Variants in IKZF1 observed in about 807,000 individuals in gnomAD.
IKZF1 encodes the protein DNA-binding protein Ikaros.
A neutral mutation model predicts 51.7 loss-of-function variants in IKZF1; 10 were observed. The observed-to-expected ratio is 0.19, with a 90% CI of 0.12 to 0.33. The LOEUF is 0.33. IKZF1 is among the 10% of genes least tolerant of loss of function. The probability of loss-of-function intolerance (pLI) is 1.00; values close to 1 mark genes in which losing one functional copy is unlikely to be tolerated. For synonymous variants in IKZF1, 280 were observed against 282.3 expected (o/e 0.99, Z 0.08); for missense variants, 484 against 707.5 (o/e 0.68, Z 3.58).
At chr7:50,327,437 C>T (rs1275995886) in intron 2 of IKZF1, 5 of 467,658 alleles carry the variant, frequency 1.1e-5, no homozygotes, top group Non-Finnish European at 1.8e-5. Flanking sequence ...CCCTTTTGCA[C>T]ATCTATGTTC....
chr7:50,320,649 A>G (rs2153367301), intron 2 of IKZF1, among the ~76,000 whole-genome samples: 1 of 152,314 alleles, frequency 6.6e-6, no homozygotes, highest in East Asian at 1.9e-4. Context: ...TGACAGCAGC[A>G]TTTGTTAGTT....
At chr7:50,324,878 G>C (rs549904098) in intron 2 of IKZF1, among the ~76,000 whole-genome samples, 1 of 152,210 alleles carries the variant, frequency 6.6e-6, no homozygotes, top group African/African-American at 2.4e-5. Flanking sequence ...CTTGGTTCCA[G>C]GGCCCCATGC....
chr7:50,318,134 C>T lies in IKZF1; in HGVS notation c.-14-914C>T, dbSNP rs1196789920. On this transcript the variant is annotated intron_variant, in intron 1 of 7. Transcript: ENST00000331340. ...ATCCACTTTGGGGCACCTGAGACTGCCGAGCGGCAGGCCAGGACCCAAGTG... is the reference window on the plus strand; with the variant it reads ...ATCCACTTTGGGGCACCTGAGACTGTCGAGCGGCAGGCCAGGACCCAAGTG... Among the ~76,000 whole-genome samples the T allele has an allele frequency of 2.1e-5, 3 of 142,692 alleles. No homozygotes were observed. In the East Asian group the frequency reaches 6.3e-4, roughly 30 times the overall value. The allele number at this position is 142,692 out of a possible 152,430, so 93.6% of individuals were successfully genotyped here.
At chr7:50,360,225 C>A (rs756989957) in intron 3 of IKZF1, among the ~76,000 whole-genome samples, 4 of 151,978 alleles carry the variant, frequency 2.6e-5, no homozygotes, top group African/African-American at 4.8e-5. Context: ...CTCCCTGAAG[C>A]AGGGCCTGGG....
At chr7:50,395,690 T>C (rs2153510500) in intron 7 of IKZF1, among the ~76,000 whole-genome samples, 1 of 152,336 alleles carries the variant, frequency 6.6e-6, no homozygotes, top group Non-Finnish European at 1.5e-5. Context: ...TTTCTTCTTA[T>C]TTATGTTTAT....
rs1810215518 is a variant in IKZF1, at chr7:50,376,148, G to A, written c.161-385G>A. On this transcript the variant is annotated intron_variant, in intron 3 of 7. Transcript: ENST00000331340. This position sits in a 1 kb window ranked among gnomAD's most constrained non-coding sequence, Gnocchi z 4.5. ...TGTGACCCAGAACCCACCCTCTAGG[G>A]CAAGGTGCCCATCTGATGGGTAGGG... is the stretch of plus-strand genomic sequence containing the variant. 6.6e-6 allele frequency among the ~76,000 whole-genome samples: 1 copy of A among 152,214 alleles called. No individual in the cohort carries two copies. Among genetic ancestry groups the A allele is most frequent in the African/African-American group, 2.4e-5 (1 of 41,446 alleles).
chr7:50,306,071 C>T (rs763934513), intron 1 of IKZF1, among the ~76,000 whole-genome samples: 7 of 152,114 alleles, frequency 4.6e-5, no homozygotes, highest in Admixed American at 1.3e-4. Flanking sequence ...GAATTATTTC[C>T]GTGACAAATC....
chr7:50,380,503 G>A (rs1424150826), intron 4 of IKZF1, among the ~76,000 whole-genome samples: 2 of 152,214 alleles, frequency 1.3e-5, no homozygotes, highest in South Asian at 2.1e-4. Flanking sequence ...AGCACGGAAG[G>A]GGGTCTTTCC....
At chr7:50,336,249 C>A (rs893597470) in intron 3 of IKZF1, among the ~76,000 whole-genome samples, 3 of 152,020 alleles carry the variant, frequency 2.0e-5, no homozygotes, top group African/African-American at 7.3e-5. Flanking sequence ...CTGCCTGGCC[C>A]CGGCGGGGGC....
Position 50,403,115 on chromosome 7 carries a change from G to A in IKZF1, c.*2488G>A, listed in dbSNP as rs1818423061. The A allele has an allele frequency of 4.5e-6, 1 of 221,812 alleles. No homozygotes were observed. The highest frequency in any genetic ancestry group is 9.0e-6 in the Non-Finnish European group (1 of 110,938). The allele number at this position is 221,812 out of a possible 1,614,324, so 13.7% of individuals were successfully genotyped here. A position where few individuals can be genotyped will look rare whatever the true frequency, so the allele number is the denominator to read the frequency against. ...AACTGCTTTGCCCTTTCCTCTCACT[G>A]CCTTTTATAGCCAATATAAATGTCT... On this transcript the variant is annotated 3_prime_UTR_variant, in exon 8 of 8. Transcript: ENST00000331340.
chr7:50,404,213 A>G lies in IKZF1; in HGVS notation c.*3586A>G, dbSNP rs774133399. ...TGATTGTTCAGGTCGAATCTGTTGT[A>G]TCCAGTACAGCTTTAGGTCTTCAGC... On this transcript the variant is annotated 3_prime_UTR_variant, in exon 8 of 8. Coordinates refer to ENST00000331340, the MANE Select transcript of IKZF1 (RefSeq NM_006060.6). 1 of 216,374 alleles carries G rather than the reference A, an allele frequency of 4.6e-6. No individual in the cohort carries two copies. Among genetic ancestry groups the G allele is most frequent in the Non-Finnish European group, 9.3e-6 (1 of 107,114 alleles). 13.4% of individuals were successfully genotyped at this position (216,374 alleles called of 1,614,324 possible). A position where few individuals can be genotyped will look rare whatever the true frequency, so the allele number is the denominator to read the frequency against.
intron 3 of IKZF1, among the ~76,000 whole-genome samples, chr7:50,362,957 G>A (rs1038151438): frequency 1.3e-5 from 2 of 152,192 alleles, no homozygotes; most frequent in African/African-American, 2.4e-5. Context: ...AAAGGCAGGG[G>A]CTTCATGGCC....
intron 4 of IKZF1, among the ~76,000 whole-genome samples, chr7:50,380,083 C>T (rs142614915): frequency 6.9e-4 from 105 of 152,322 alleles, no homozygotes; most frequent in African/African-American, 2.4e-3. Context: ...CAAGAACACA[C>T]ATGGCGTGGG....
chr7:50,307,240 A>G (rs763018462), intron 1 of IKZF1, among the ~76,000 whole-genome samples: 4 of 152,102 alleles, frequency 2.6e-5, no homozygotes, highest in Non-Finnish European at 5.9e-5. Flanking sequence ...GAATTCATCA[A>G]GGATATCACT....
At position 50,376,018 on chromosome 7, in the gene IKZF1, G is replaced by A. The variant is rs1810186434; in HGVS notation, c.161-515G>A. 6.6e-6 allele frequency among the ~76,000 whole-genome samples: 1 copy of A among 152,164 alleles called. No individual in the cohort carries two copies. Among genetic ancestry groups the A allele is most frequent in the East Asian group, 1.9e-4 (1 of 5,196 alleles). On this transcript the variant is annotated intron_variant, in intron 3 of 7. Transcript: ENST00000331340. This position sits in a 1 kb window ranked among gnomAD's most constrained non-coding sequence, Gnocchi z 4.5. ...TCCCAAAGTTTATTAATGTTTACAT[G>A]CCACAAGGAAAGGTAGCATCACAAT...
rs903019410 is a variant in IKZF1, at chr7:50,365,310, C to T, written c.161-11223C>T. The stretch of plus-strand genomic sequence containing the variant: ...CGGATGGTACAGGAACAAGGGTGAG[C>T]GCTTATCAATTCAGCATTACTCTGG... On this transcript the variant is annotated intron_variant, in intron 3 of 7. Transcript: ENST00000331340. 2.6e-5 allele frequency among the ~76,000 whole-genome samples: 4 copies of T among 152,272 alleles called. No homozygotes were observed. The East Asian group carries it at 5.8e-4, about 22-fold the overall frequency.
At chr7:50,369,138 G>T in intron 3 of IKZF1, 1 of 238,380 alleles carries the variant, frequency 4.2e-6, no homozygotes. Context: ...ACTTGTAAAT[G>T]CTTATATATG....
intron 3 of IKZF1, among the ~76,000 whole-genome samples, chr7:50,373,062 A>G (rs1411854692): frequency 6.6e-6 from 1 of 152,226 alleles, no homozygotes; most frequent in African/African-American, 2.4e-5. Context: ...CATTTGTCCA[A>G]TGAGTGGCTG....
upstream of IKZF1, chr7:50,304,349 G>A (rs1273085327): frequency 6.7e-6 from 1 of 149,794 alleles, no homozygotes; most frequent in Non-Finnish European, 1.5e-5. Context: ...GATCCGGGAG[G>A]CGGCCGAGAG....
Sources: allele counts gnomAD v4.1 joint callset (sites outside exome capture counted in the v4.1 genomes callset), GRCh38; gene constraint gnomAD v4.1.1; non-coding constraint Gnocchi (gnomAD v3.1); transcripts MANE v1.5; gene names NCBI Gene and HGNC (gene_info 2026-07-23, HGNC 2026-07-21).